Variants in PRKG1 observed in about 807,000 individuals in gnomAD.
PRKG1 encodes the protein protein kinase cGMP-dependent 1, also known as cGMP-dependent protein kinase 1.
In PRKG1, 35 loss-of-function variants were observed where a neutral mutation model predicts 88.1. That is an observed-to-expected ratio of 0.40 (90% CI 0.30 to 0.53). The LOEUF is 0.53. Ranked by LOEUF, PRKG1 falls within the 20% of genes least tolerant of loss-of-function variation. PRKG1 has a pLI of 0.59. For synonymous variants in PRKG1, 303 were observed against 292.5 expected (o/e 1.04, Z -0.37); for missense variants, 540 against 839.8 (o/e 0.64, Z 4.41).
chr10:51,059,045 C>A (rs536751092), intron 1 of PRKG1, among the ~76,000 whole-genome samples: 2 of 152,250 alleles, frequency 1.3e-5, no homozygotes, highest in African/African-American at 4.8e-5. Flanking sequence ...TTGTTTGTTA[C>A]TGGTATAGAA....
chr10:52,148,310 A>G lies in PRKG1; in HGVS notation c.1002-13579A>G, dbSNP rs542608447. Among the ~76,000 whole-genome samples the G allele has an allele frequency of 3.9e-5, 6 of 152,284 alleles. No homozygotes were observed. The East Asian group carries it at 1.2e-3, about 29-fold the overall frequency. ...TTAACCATCCTACAATGCACAGGAC[A>G]GCTCCCTAAAACAAAGAAGTATCTT... On this transcript the variant is annotated intron_variant, in intron 8 of 17. Coordinates refer to ENST00000373980, the MANE Select transcript of PRKG1 (RefSeq NM_006258.4).
rs560548697 is a variant in PRKG1, at chr10:51,120,856, C to T, written c.312-32308C>T. Among the ~76,000 whole-genome samples the T allele has an allele frequency of 5.3e-5, 8 of 152,122 alleles. No homozygotes were observed. The South Asian group carries it at 6.2e-4, about 12-fold the overall frequency. The stretch of plus-strand genomic sequence containing the variant: ...GACTTAAGTGATATTGTTACAGCAA[C>T]GGTAGGAATAAAAATTCACACATTT... On this transcript the variant is annotated intron_variant, in intron 1 of 17. Transcript: ENST00000373980.
At chr10:51,121,049 A>G (rs1044068954) in intron 1 of PRKG1, among the ~76,000 whole-genome samples, 2 of 152,096 alleles carry the variant, frequency 1.3e-5, no homozygotes, top group African/African-American at 4.8e-5. Flanking sequence ...GCCCCATCCC[A>G]TCTTCAAAGC....
At chr10:52,232,106 C>G (rs1207437737) in intron 9 of PRKG1, among the ~76,000 whole-genome samples, 1 of 152,030 alleles carries the variant, frequency 6.6e-6, no homozygotes, top group Non-Finnish European at 1.5e-5. Context: ...AGTTCGAGAC[C>G]AGCCTGGCCA....
intron 1 of PRKG1, among the ~76,000 whole-genome samples, chr10:51,146,689 G>A (rs1172088593): frequency 6.6e-6 from 1 of 151,942 alleles, no homozygotes; most frequent in Non-Finnish European, 1.5e-5. Context: ...TTTTCTTCTA[G>A]TAGTTTTATA....
intron 5 of PRKG1, among the ~76,000 whole-genome samples, chr10:52,018,656 C>A (rs1845103883): frequency 6.6e-6 from 1 of 152,140 alleles, no homozygotes; most frequent in East Asian, 1.9e-4. Flanking sequence ...TGGCTAATAT[C>A]TCTATTTATG....
At chr10:52,258,571 T>C (rs1454156142) in intron 10 of PRKG1, among the ~76,000 whole-genome samples, 1 of 151,960 alleles carries the variant, frequency 6.6e-6, no homozygotes, top group Non-Finnish European at 1.5e-5. Flanking sequence ...AAAGAGCTGT[T>C]GTTATTGCCC....
intron 3 of PRKG1, among the ~76,000 whole-genome samples, chr10:51,503,532 CTTCTCTATAACAGAA>C (rs1170436529): frequency 2.0e-5 from 3 of 152,150 alleles, no homozygotes; most frequent in Non-Finnish European, 4.4e-5. Context: ...TTGCATTGAC[CTTCTCTATAACAGAA>C]CATTGGCCTA....
intron 9 of PRKG1, among the ~76,000 whole-genome samples, chr10:52,246,233 T>C (rs1418762464): frequency 6.6e-6 from 1 of 152,198 alleles, no homozygotes; most frequent in Non-Finnish European, 1.5e-5. Flanking sequence ...TAAGGGACAC[T>C]TGATTCTTAT....
intron 8 of PRKG1, among the ~76,000 whole-genome samples, chr10:52,152,916 C>T (rs757057099): frequency 1.3e-5 from 2 of 152,068 alleles, no homozygotes; most frequent in Non-Finnish European, 2.9e-5. Context: ...TTGGAAAGGG[C>T]CAGGACATTA....
intron 2 of PRKG1, among the ~76,000 whole-genome samples, chr10:51,156,952 A>G (rs772218776): frequency 1.3e-5 from 2 of 151,968 alleles, no homozygotes; most frequent in Admixed American, 6.6e-5. Flanking sequence ...TATTCAGCAA[A>G]AGACCCAGGG....
intron 9 of PRKG1, among the ~76,000 whole-genome samples, chr10:52,227,446 A>G (rs994510908): frequency 6.6e-6 from 1 of 152,178 alleles, no homozygotes; most frequent in African/African-American, 2.4e-5. Context: ...AAACAACGCA[A>G]TGTAACAACT....
At chr10:51,819,517 A>G (rs547483179) in intron 4 of PRKG1, among the ~76,000 whole-genome samples, 86 of 152,298 alleles carry the variant, frequency 5.6e-4, no homozygotes, top group African/African-American at 2.0e-3. Context: ...GAACCTGTCT[A>G]TATGTCTTAT....
chr10:51,072,314 A>T (rs1843843917), upstream of PRKG1, among the ~76,000 whole-genome samples: 1 of 152,250 alleles, frequency 6.6e-6, no homozygotes. Flanking sequence ...ATTTTTAGAC[A>T]TAAACTCATG....
At chr10:51,970,050 A>ACACACACACACACC (rs983494491) in intron 5 of PRKG1, among the ~76,000 whole-genome samples, 13 of 133,466 alleles carry the variant, frequency 9.7e-5, no homozygotes, top group Non-Finnish European at 1.3e-4. Flanking sequence ...ACACACACAC[A>ACACACACACACACC]CCCATATTTA....
At chr10:51,147,990 G>A (rs1845981428) in intron 1 of PRKG1, among the ~76,000 whole-genome samples, 1 of 152,166 alleles carries the variant, frequency 6.6e-6, no homozygotes, top group Admixed American at 6.6e-5. Flanking sequence ...AGTTCATTCA[G>A]AAAAGTTGTT....
At chr10:51,170,549 T>C (rs1846676792) in intron 2 of PRKG1, among the ~76,000 whole-genome samples, 1 of 151,802 alleles carries the variant, frequency 6.6e-6, no homozygotes, top group Non-Finnish European at 1.5e-5. Context: ...AAGGAATTGC[T>C]ATGTTCTGTA....
chr10:51,393,532 A>G (rs557597470), intron 2 of PRKG1, among the ~76,000 whole-genome samples: 42 of 152,342 alleles, frequency 2.8e-4, no homozygotes, highest in African/African-American at 9.1e-4. Flanking sequence ...GTGGTATTTT[A>G]ATATAATTAA....
intron 2 of PRKG1, among the ~76,000 whole-genome samples, chr10:51,265,407 G>T (rs1341749131): frequency 6.6e-6 from 1 of 152,008 alleles, no homozygotes; most frequent in Non-Finnish European, 1.5e-5. Context: ...TTCAATATTT[G>T]GACATACTGA....
Sources: allele counts gnomAD v4.1 joint callset (sites outside exome capture counted in the v4.1 genomes callset), GRCh38; gene constraint gnomAD v4.1.1; transcripts MANE v1.5; gene names NCBI Gene and HGNC (gene_info 2026-07-23, HGNC 2026-07-21).